The following MYL4 variants were observed in gnomAD, a reference collection of about 807,000 sequenced individuals.
MYL4 encodes atrial myosin light chain 1.
MYL4 carries 16 observed loss-of-function variants against 21.6 expected under a neutral mutation model. The observed-to-expected ratio is 0.74, with a 90% CI of 0.50 to 1.12. The LOEUF is 1.12. Among genes scored for constraint, MYL4 ranks in the 50% most tolerant of loss-of-function variants. The pLI, the probability that MYL4 is intolerant of heterozygous loss-of-function variation, is 0.00. For missense variants in MYL4, 249 were observed against 252.9 expected, an observed-to-expected ratio of 0.98 and a Z score of 0.11; for synonymous variants, 82 against 95.7, an observed-to-expected ratio of 0.86 and a Z score of 0.83.
chr17:47,224,699 T>G (rs1049172274), downstream of MYL4, among the ~76,000 whole-genome samples: 1 of 152,172 alleles, frequency 6.6e-6, no homozygotes, highest in African/African-American at 2.4e-5. Context: ...CATGTCCCAT[T>G]GTATAGGTCA....
At position 47,221,700 on chromosome 17, in the gene MYL4, T is replaced by C. The variant is rs1312335037; in HGVS notation, c.332T>C (p.Leu111Pro). 4.3e-6 allele frequency: 7 copies of C among 1,613,658 alleles called. No homozygotes were observed. Among genetic ancestry groups the C allele is most frequent in the Non-Finnish European group, 2.5e-6 (3 of 1,179,766 alleles). Residue 111 changes from leucine to proline, a missense_variant, in exon 4 of 7, where the codon CTG becomes CCG. Transcript: ENST00000393450. ...CCTGAAGAGATGAATGTCAAGATGC[T>C]GGACTTTGAGACGTTCTTGCCCATC... ...PKPEEMNVKM[L>P]DFETFLPILQ... is the part of the protein sequence containing the mutation.
At chr17:47,208,932 G>A (rs534271006), upstream of MYL4, 1 of 177,344 alleles carries the variant, frequency 5.6e-6, no homozygotes, top group Non-Finnish European at 1.2e-5. Flanking sequence ...GCCCAGAGTG[G>A]CTCTCAGCTT....
chr17:47,193,531 A>T, the MYL4 span, among the ~76,000 whole-genome samples: 1 of 151,216 alleles, frequency 6.6e-6, no homozygotes, highest in Non-Finnish European at 1.5e-5. Flanking sequence ...GCCTTCCAAA[A>T]TGCTGGGATT....
At chr17:47,219,578 G>A (rs961814626) in intron 2 of MYL4, among the ~76,000 whole-genome samples, 19 of 152,010 alleles carry the variant, frequency 1.2e-4, no homozygotes, top group African/African-American at 4.6e-4. Context: ...GTGCGATCTT[G>A]GCTGACTGCA....
At chr17:47,219,266 C>G (rs1440191638) in intron 2 of MYL4, among the ~76,000 whole-genome samples, 1 of 152,184 alleles carries the variant, frequency 6.6e-6, no homozygotes, top group Admixed American at 6.5e-5. Context: ...TGCGACCTCC[C>G]TTTGCTCTCA....
chr17:47,213,917 A>T, intron 2 of MYL4, 91 bp downstream of exon 2: 1 of 1,397,738 alleles, frequency 7.2e-7, no homozygotes, highest in Non-Finnish European at 1.0e-6. Context: ...AGTTGTCCTC[A>T]TGGTAATAGT....
chr17:47,191,659 C>CG, the MYL4 span, among the ~76,000 whole-genome samples: 2 of 152,030 alleles, frequency 1.3e-5, no homozygotes, highest in African/African-American at 4.8e-5. Context: ...TTAGTAGAGA[C>CG]GGGGTTTCAC....
intron 2 of MYL4, among the ~76,000 whole-genome samples, chr17:47,218,578 G>A (rs923743535): frequency 1.5e-4 from 23 of 152,104 alleles, no homozygotes; most frequent in African/African-American, 5.6e-4. Context: ...TTGAGGCCAG[G>A]AATTTGAGAC....
chr17:47,220,761 T>C (rs537542675), intron 3 of MYL4, among the ~76,000 whole-genome samples: 1 of 152,220 alleles, frequency 6.6e-6, no homozygotes, highest in Non-Finnish European at 1.5e-5. Context: ...TTGTGAATGT[T>C]GTCTGTCATG....
intron 1 of MYL4, among the ~76,000 whole-genome samples, chr17:47,210,908 A>G (rs2064769636): frequency 6.6e-6 from 1 of 152,180 alleles, no homozygotes; most frequent in Admixed American, 6.5e-5. Context: ...TTCACCCTTC[A>G]GGATCCCTCC....
chr17:47,190,127 T>C, the MYL4 span, among the ~76,000 whole-genome samples: 4,674 of 152,254 alleles, frequency 0.031, 241 homozygotes, highest in African/African-American at 0.11. Context: ...AAAAGCTCAA[T>C]AGGCCATTAG....
At chr17:47,199,102 G>A (rs1042399066), upstream of MYL4, among the ~76,000 whole-genome samples, 6 of 151,072 alleles carry the variant, frequency 4.0e-5, no homozygotes, top group Non-Finnish European at 7.4e-5. Context: ...TTAGCCGGGC[G>A]TGGTGGCGGG....
upstream of MYL4, among the ~76,000 whole-genome samples, chr17:47,208,600 T>A (rs2064747486): frequency 6.8e-6 from 1 of 146,750 alleles, no homozygotes; most frequent in African/African-American, 2.6e-5. Flanking sequence ...GAGCACAGAA[T>A]GAGTTAGAGG....
intron 3 of MYL4, among the ~76,000 whole-genome samples, chr17:47,220,399 C>G (rs1022675064): frequency 2.0e-5 from 3 of 152,180 alleles, no homozygotes; most frequent in African/African-American, 4.8e-5. Context: ...CCCAGGAGCT[C>G]TCAGGAGGGG....
chr17:47,224,266 G>A (rs2149050236), downstream of MYL4, among the ~76,000 whole-genome samples: 1 of 152,258 alleles, frequency 6.6e-6, no homozygotes, highest in South Asian at 2.1e-4. Flanking sequence ...GCAAGGAGGA[G>A]CAAAGGCACA....
At chr17:47,205,977 C>G (rs763385707), upstream of MYL4, among the ~76,000 whole-genome samples, 1 of 152,198 alleles carries the variant, frequency 6.6e-6, no homozygotes, top group Non-Finnish European at 1.5e-5. Flanking sequence ...CTGAATGCAC[C>G]TCTAGCTTCA....
At position 47,213,805 on chromosome 17, in the gene MYL4, T is replaced by C; in HGVS notation, c.142T>C (p.Phe48Leu). Residue 48 changes from phenylalanine (F) to leucine (L), a missense_variant, in exon 2 of 7, where the codon TTC becomes CTC. Physicochemically the swap from Phe to Leu is conservative, Grantham distance 22. Transcript: ENST00000393450. Reference sequence around the variant, plus strand: ...ACTATTTCCCTCCCTACAGATAGACTTCACTGCCGACCAGATTGAAGGTGA... The same window carrying C: ...ACTATTTCCCTCCCTACAGATAGACCTCACTGCCGACCAGATTGAAGGTGA... ...AFDPKSVKID[F>L]TADQIEEFKE... 1 of 1,614,122 alleles carries C rather than the reference T, an allele frequency of 6.2e-7. No individual in the cohort carries two copies. The highest frequency in any genetic ancestry group is 8.5e-7 in the Non-Finnish European group (1 of 1,179,996).
downstream of MYL4, among the ~76,000 whole-genome samples, chr17:47,225,855 C>CTTTTTTTTTTTTTTTTTTTTTTTT (rs60342000): frequency 8.8e-6 from 1 of 113,302 alleles, no homozygotes; most frequent in Admixed American, 9.4e-5. Flanking sequence ...TCCTTCCCTT[C>CTTTTTTTTTTTTTTTTTTTTTTTT]TTTTTTTTTT....
At chr17:47,200,963 G>C (rs186127411) in intron 1 of MYL4, among the ~76,000 whole-genome samples, 307 of 152,338 alleles carry the variant, frequency 2.0e-3, no homozygotes, top group Middle Eastern at 3.4e-3. Context: ...CTTGAGGTCA[G>C]GAGTTTGAGA....
Sources: gnomAD v4.1 joint callset for allele counts (sites outside exome capture counted in the v4.1 genomes callset) on GRCh38, gnomAD v4.1.1 for gene constraint, MANE v1.5 for transcripts, NCBI Gene and HGNC (gene_info 2026-07-23, HGNC 2026-07-21) for gene names.